CRPPA: variants seen among roughly 807,000 people sequenced by gnomAD.
The protein encoded by CRPPA is D-ribitol-5-phosphate cytidylyltransferase.
A neutral mutation model predicts 52.0 loss-of-function variants in CRPPA; 43 were observed. The ratio of observed to expected loss-of-function variants is 0.83; its 90% confidence interval spans 0.65 to 1.07. The LOEUF (loss-of-function observed/expected upper bound fraction) is 1.07, where lower values mean the gene tolerates loss of function less well. Among genes scored for constraint, CRPPA ranks in the 50% least tolerant of loss-of-function variants. CRPPA has a pLI of 0.00. For synonymous variants in CRPPA, 250 were observed against 203.5 expected (o/e 1.23, Z -1.94); for missense variants, 629 against 551.7 (o/e 1.14, Z -1.40).
chr7:16,404,414 G>T (rs1211225615), intron 2 of CRPPA, among the ~76,000 whole-genome samples: 3 of 152,052 alleles, frequency 2.0e-5, no homozygotes, highest in Non-Finnish European at 2.9e-5. Context: ...TAAATCACAT[G>T]TAAGACAATG....
intron 8 of CRPPA, among the ~76,000 whole-genome samples, chr7:16,230,074 T>G (rs569018241): frequency 6.6e-6 from 1 of 152,298 alleles, no homozygotes; most frequent in East Asian, 1.9e-4. Flanking sequence ...ATCTTCTTAG[T>G]CTTTGATTTT....
intron 3 of CRPPA, among the ~76,000 whole-genome samples, chr7:16,330,871 C>T (rs895174833): frequency 6.6e-6 from 1 of 152,162 alleles, no homozygotes; most frequent in Non-Finnish European, 1.5e-5. Context: ...AAACAAAATA[C>T]CCAACTCCAA....
chr7:16,262,388 G>T (rs1046724121), intron 6 of CRPPA, among the ~76,000 whole-genome samples: 8 of 151,984 alleles, frequency 5.3e-5, no homozygotes, highest in Non-Finnish European at 1.0e-4. Context: ...CTTTAATAGC[G>T]CTGCTTTCAT....
At chr7:16,112,684 C>T (rs1193805229) in intron 9 of CRPPA, among the ~76,000 whole-genome samples, 1 of 152,028 alleles carries the variant, frequency 6.6e-6, no homozygotes, top group South Asian at 2.1e-4. Flanking sequence ...GAAAGTAGTG[C>T]AATTAATGGA....
chr7:16,355,837 G>C (rs1355272608), intron 3 of CRPPA, among the ~76,000 whole-genome samples: 1 of 152,200 alleles, frequency 6.6e-6, no homozygotes, highest in Non-Finnish European at 1.5e-5. Flanking sequence ...CCAGCACAGT[G>C]ACTTGAGTAG....
intron 9 of CRPPA, among the ~76,000 whole-genome samples, chr7:16,113,226 G>GTTGCAGAGAGAA (rs755473175): frequency 6.6e-5 from 10 of 151,934 alleles, no homozygotes; most frequent in Non-Finnish European, 1.2e-4. Flanking sequence ...ATTAGATTCA[G>GTTGCAGAGAGAA]TTGCAGAGAG....
rs62441090 is a variant in CRPPA, at chr7:16,362,218, C to G, written c.684+13874G>C. On this transcript the variant is annotated intron_variant, in intron 3 of 9. Coordinates refer to ENST00000407010, the MANE Select transcript of CRPPA (RefSeq NM_001101426.4). ...CTCAGACCACTATAACAAAATACCA[C>G]AGACCGGGTAGTTTACCAACAATAC... Among the ~76,000 whole-genome samples, 4 of 152,328 alleles carry G rather than the reference C, an allele frequency of 2.6e-5. No homozygotes were observed. In the South Asian group the frequency reaches 8.3e-4, roughly 32 times the overall value.
intron 6 of CRPPA, among the ~76,000 whole-genome samples, chr7:16,261,112 G>GTT (rs1783783530): frequency 1.3e-5 from 2 of 151,994 alleles, no homozygotes; most frequent in African/African-American, 4.8e-5. Flanking sequence ...AAAGACAAAT[G>GTT]AAGTATTAAA....
rs1318749756 is a variant in CRPPA at position 16,217,132 on chromosome 7, C to T, written c.1120-935G>A. ...CTGCCTCCTCAAGTGGGTCCCTGAC[C>T]CCTGACCCCCGAGCAGCCTAACTGG... On this transcript the variant is annotated intron_variant, in intron 8 of 9. Transcript: ENST00000407010. Among the ~76,000 whole-genome samples, 10 of 147,580 alleles carry T rather than the reference C, an allele frequency of 6.8e-5. No homozygotes were observed. In the Admixed American group the frequency reaches 6.8e-4, roughly 10 times the overall value.
chr7:16,119,998 G>A (rs1410891298), intron 9 of CRPPA, among the ~76,000 whole-genome samples: 1 of 152,180 alleles, frequency 6.6e-6, no homozygotes, highest in African/African-American at 2.4e-5. Flanking sequence ...GAATCTAGTG[G>A]AAGTCAAGCT....
intron 8 of CRPPA, among the ~76,000 whole-genome samples, chr7:16,217,693 A>G (rs557705765): frequency 9.6e-4 from 137 of 142,086 alleles, no homozygotes; most frequent in Admixed American, 4.1e-3. Flanking sequence ...GGGTATCAGC[A>G]ATGGAAGATG....
At chr7:16,315,713 A>T (rs1235985714) in intron 3 of CRPPA, among the ~76,000 whole-genome samples, 2 of 149,574 alleles carry the variant, frequency 1.3e-5, no homozygotes, top group Admixed American at 6.7e-5. Context: ...TGGAAGTAAA[A>T]CTCATAAGAC....
At chr7:16,122,521 T>C (rs570720831) in intron 9 of CRPPA, among the ~76,000 whole-genome samples, 13 of 152,028 alleles carry the variant, frequency 8.6e-5, no homozygotes, top group Admixed American at 1.3e-4. Flanking sequence ...TATAAAAACA[T>C]ACTCCTCTTA....
At chr7:16,162,531 G>A (rs1780924739) in intron 9 of CRPPA, among the ~76,000 whole-genome samples, 1 of 152,162 alleles carries the variant, frequency 6.6e-6, no homozygotes, top group African/African-American at 2.4e-5. Context: ...ATTGCACTGT[G>A]GTCTGAGAGA....
chr7:16,160,644 C>T (rs530477134), intron 9 of CRPPA, among the ~76,000 whole-genome samples: 5 of 152,204 alleles, frequency 3.3e-5, no homozygotes, highest in African/African-American at 4.8e-5. Flanking sequence ...CTTGGCTACA[C>T]GAGCTCTTTT....
chr7:16,135,549 A>G (rs1290486399), intron 9 of CRPPA, among the ~76,000 whole-genome samples: 8 of 152,206 alleles, frequency 5.3e-5, no homozygotes, highest in Admixed American at 1.3e-4. Flanking sequence ...CAGAAACATT[A>G]CATTCTGATA....
rs1336469885 is a variant in CRPPA, at chr7:16,333,484, T to A, written c.685-24857A>T. On this transcript the variant is annotated intron_variant, in intron 3 of 9. Transcript: ENST00000407010. Reference sequence around the variant, plus strand: ...CTAAATAATACATGTGTAAAAGAAATGAATTTTTGAAATTAATGAAAATTA... The same window carrying A: ...CTAAATAATACATGTGTAAAAGAAAAGAATTTTTGAAATTAATGAAAATTA... Among the ~76,000 whole-genome samples, 4 of 152,176 alleles carry A rather than the reference T, an allele frequency of 2.6e-5. No homozygotes were observed. The South Asian group carries it at 6.2e-4, about 24-fold the overall frequency.
At chr7:16,123,137 C>CA (rs1782510026) in intron 9 of CRPPA, among the ~76,000 whole-genome samples, 1 of 151,884 alleles carries the variant, frequency 6.6e-6, no homozygotes, top group Non-Finnish European at 1.5e-5. Flanking sequence ...GCTTGTTAAT[C>CA]AAAAAAGCTA....
At chr7:16,388,403 C>T (rs1787350683) in intron 2 of CRPPA, among the ~76,000 whole-genome samples, 1 of 147,434 alleles carries the variant, frequency 6.8e-6, no homozygotes, top group South Asian at 2.1e-4. Flanking sequence ...CTAAAGCAGC[C>T]CTTTGAGGAA....
Sources: gnomAD v4.1 joint callset for allele counts (sites outside exome capture counted in the v4.1 genomes callset) on GRCh38, gnomAD v4.1.1 for gene constraint, MANE v1.5 for transcripts, NCBI Gene and HGNC (gene_info 2026-07-23, HGNC 2026-07-21) for gene names.